The following TDRD12 variants were observed in gnomAD, a reference collection of about 807,000 sequenced individuals.
The protein encoded by TDRD12 is tudor domain containing 12, also known as putative ATP-dependent RNA helicase TDRD12.
TDRD12 carries 158 observed loss-of-function variants against 133.5 expected under a neutral mutation model. The observed-to-expected ratio is 1.18, with a 90% confidence interval of 1.04 to 1.35. The LOEUF is 1.35. Ranked by LOEUF, TDRD12 falls within the 40% of genes most tolerant of loss-of-function variation. The probability of loss-of-function intolerance (pLI) is 0.00; values close to 1 mark genes in which losing one functional copy is unlikely to be tolerated. For synonymous variants in TDRD12, 460 were observed against 477.9 expected, an observed-to-expected ratio of 0.96 and a Z score of 0.49; for missense variants, 1,443 against 1,321.3, an observed-to-expected ratio of 1.09 and a Z score of -1.43.
At chr19:32,815,468 C>T (rs1296174368) in exon 26 of TDRD12, 1 of 1,535,866 alleles carries the variant, frequency 6.5e-7, no homozygotes, top group East Asian at 2.4e-5. Flanking sequence ...CAAACCTTTC[C>T]AGTTTAAAAA....
chr19:32,741,786 G>T (rs1482131883), intron 3 of TDRD12, among the ~76,000 whole-genome samples: 1 of 151,956 alleles, frequency 6.6e-6, no homozygotes, highest in Admixed American at 6.5e-5. Flanking sequence ...GGTGGCTCAC[G>T]CCTGTAATCC....
In TDRD12 at chr19:32,798,299, TAAA is replaced by T; in HGVS notation, c.1631-8_1631-6del. The T allele has an allele frequency of 6.6e-7, 1 of 1,512,674 alleles. No homozygotes were observed. Among genetic ancestry groups the T allele is most frequent in the Admixed American group, 2.0e-5 (1 of 49,238 alleles). The allele number at this position is 1,512,674 out of a possible 1,614,324, so 93.7% of individuals were successfully genotyped here. On this transcript the variant is annotated splice_region_variant and splice_polypyrimidine_tract_variant and intron_variant, in intron 15 of 27. Coordinates refer to ENST00000444215, the Ensembl canonical transcript of TDRD12. ...AATTGAAAATGTTCACTTTTTTTTT[TAAA>T]TGCAGGTGATGTGATTGTTACGACC... is the stretch of plus-strand genomic sequence containing the variant.
intron 2 of TDRD12, among the ~76,000 whole-genome samples, chr19:32,732,400 T>C (rs1034309225): frequency 5.3e-5 from 8 of 151,478 alleles, no homozygotes; most frequent in African/African-American, 1.9e-4. Flanking sequence ...AGACAGAATG[T>C]CATCTACACC....
exon 2 of TDRD12, chr19:32,731,727 T>G (rs1381154578): frequency 1.3e-6 from 2 of 1,530,960 alleles, no homozygotes; most frequent in South Asian, 1.3e-5. Context: ...ATTTACAGAT[T>G]GAAGATCCAG....
intron 1 of TDRD12, among the ~76,000 whole-genome samples, chr19:32,724,925 G>C (rs369714751): frequency 2.6e-5 from 4 of 152,138 alleles, no homozygotes; most frequent in Non-Finnish European, 4.4e-5. Flanking sequence ...GCATGAGATG[G>C]TATCTCATTG....
At chr19:32,789,552 G>A (rs1366326936) in intron 11 of TDRD12, among the ~76,000 whole-genome samples, 2 of 152,160 alleles carry the variant, frequency 1.3e-5, no homozygotes, top group Non-Finnish European at 2.9e-5. Context: ...TGGTTTCACT[G>A]CACAGTGTTT....
intron 14 of TDRD12, among the ~76,000 whole-genome samples, chr19:32,795,522 G>A (rs1361794701): frequency 6.6e-6 from 1 of 152,118 alleles, no homozygotes; most frequent in Non-Finnish European, 1.5e-5. Context: ...GACAGGGCTA[G>A]GAGTGGGGTT....
At chr19:32,742,899 G>A (rs1969476808) in exon 4 of TDRD12, 9 of 1,551,090 alleles carry the variant, frequency 5.8e-6, no homozygotes, top group Non-Finnish European at 7.8e-6. Context: ...TACTGACATT[G>A]TGTAAGTACA....
At chr19:32,817,859 T>C (rs1967234815) in intron 26 of TDRD12, among the ~76,000 whole-genome samples, 1 of 149,330 alleles carries the variant, frequency 6.7e-6, no homozygotes, top group South Asian at 2.2e-4. Flanking sequence ...ACGACTGCTT[T>C]TGAACATCCT....
At chr19:32,827,373 T>TTTC (rs1967628160) in exon 10 of TDRD12, 2 of 107,364 alleles carry the variant, frequency 1.9e-5, no homozygotes, top group Non-Finnish European at 2.8e-5. Context: ...TTTTCTTTTC[T>TTTC]TTTTTTTTTT....
At chr19:32,748,190 A>G (rs923647170) in intron 4 of TDRD12, among the ~76,000 whole-genome samples, 1 of 151,818 alleles carries the variant, frequency 6.6e-6, no homozygotes, top group African/African-American at 2.4e-5. Context: ...TTGTCTGGGG[A>G]TGGTGGTGGT....
intron 3 of TDRD12, among the ~76,000 whole-genome samples, chr19:32,742,233 T>G (rs1359623135): frequency 6.6e-6 from 1 of 151,920 alleles, no homozygotes; most frequent in African/African-American, 2.4e-5. Context: ...TTCAGCTCAC[T>G]GCAACCTCTG....
intron 14 of TDRD12, 62 bp from the exon 15 acceptor site, chr19:32,797,673 T>C (rs1971269247): frequency 1.7e-6 from 1 of 585,158 alleles, no homozygotes; most frequent in Non-Finnish European, 3.0e-6. Context: ...TCTTGATGTT[T>C]CATATGGATG....
chr19:32,803,424 G>C (rs1037411340), intron 21 of TDRD12, among the ~76,000 whole-genome samples: 2 of 152,202 alleles, frequency 1.3e-5, no homozygotes, highest in African/African-American at 4.8e-5. Context: ...ACATTCGTCT[G>C]TGTTGTTGTG....
At chr19:32,745,247 C>A (rs1332517398) in intron 4 of TDRD12, among the ~76,000 whole-genome samples, 1 of 152,218 alleles carries the variant, frequency 6.6e-6, no homozygotes, top group South Asian at 2.1e-4. Flanking sequence ...CTTTCTTGAC[C>A]TTCTCTGCAT....
chr19:32,800,204 A>G, exon 17 of TDRD12: 1 of 1,521,272 alleles, frequency 6.6e-7, no homozygotes, highest in Non-Finnish European at 8.8e-7. Context: ...AAAAATATTG[A>G]AGTTGAAGAA....
intron 2 of TDRD12, among the ~76,000 whole-genome samples, chr19:32,733,092 A>T (rs10408725): frequency 3.3e-5 from 5 of 152,024 alleles, no homozygotes; most frequent in Admixed American, 3.3e-4. Context: ...AGATCACTTG[A>T]GCCTGGGAGG....
intron 24 of TDRD12, among the ~76,000 whole-genome samples, chr19:32,811,988 A>G (rs1257687927): frequency 6.6e-6 from 1 of 152,222 alleles, no homozygotes. Flanking sequence ...TGCAGGGACG[A>G]TGGGCCAGGA....
At chr19:32,733,699 A>G (rs1599834106) in intron 2 of TDRD12, among the ~76,000 whole-genome samples, 1 of 151,982 alleles carries the variant, frequency 6.6e-6, no homozygotes, top group Non-Finnish European at 1.5e-5. Flanking sequence ...TGGCTTCTCC[A>G]TTCAGTGACC....
Sources: gnomAD v4.1 joint callset for allele counts (sites outside exome capture counted in the v4.1 genomes callset) on GRCh38, gnomAD v4.1.1 for gene constraint, MANE v1.5 for transcripts, NCBI Gene and HGNC (gene_info 2026-07-23, HGNC 2026-07-21) for gene names.